CCSER1: variants seen among roughly 807,000 people sequenced by gnomAD.
CCSER1 encodes the protein serine-rich coiled-coil domain-containing protein 1.
Under a neutral mutation model 82.0 loss-of-function variants are expected in CCSER1, and 41 were observed. The ratio of observed to expected loss-of-function variants is 0.50; its 90% CI spans 0.39 to 0.65. The LOEUF (loss-of-function observed/expected upper bound fraction) is 0.65. Among genes scored for constraint, CCSER1 ranks in the 30% least tolerant of loss-of-function variants. CCSER1 has a pLI of 0.00. For missense variants in CCSER1, 1,119 were observed against 1,064.2 expected (o/e 1.05, Z -0.72); for synonymous variants, 414 against 383.9 (o/e 1.08, Z -0.92).
intron 10 of CCSER1, among the ~76,000 whole-genome samples, chr4:91,196,238 A>G (rs1048820353): frequency 1.3e-5 from 2 of 151,974 alleles, no homozygotes; most frequent in Non-Finnish European, 2.9e-5. Context: ...CAAAGACTGC[A>G]TTTCTCTTCT....
chr4:90,625,118 A>C (rs902071510), intron 5 of CCSER1, among the ~76,000 whole-genome samples: 1 of 152,176 alleles, frequency 6.6e-6, no homozygotes, highest in African/African-American at 2.4e-5. Flanking sequence ...CAAGTGAACG[A>C]ATTGTATTAT....
intron 6 of CCSER1, among the ~76,000 whole-genome samples, chr4:90,691,128 C>A (rs183065961): frequency 3.3e-5 from 5 of 151,944 alleles, no homozygotes; most frequent in Admixed American, 2.6e-4. Flanking sequence ...TTAATAAGAA[C>A]AATAAAAATA....
chr4:91,017,384 G>A (rs1452652929), intron 9 of CCSER1: 1 of 152,118 alleles, frequency 6.6e-6, no homozygotes, highest in African/African-American at 2.4e-5. Flanking sequence ...ATTGAAAATT[G>A]AATTTATGCA....
intron 5 of CCSER1, among the ~76,000 whole-genome samples, chr4:90,613,715 G>T (rs1214809485): frequency 6.6e-6 from 1 of 152,164 alleles, no homozygotes; most frequent in African/African-American, 2.4e-5. Flanking sequence ...ATGGAGAAGA[G>T]TAAGGAGTTT....
chr4:90,193,265 A>G (rs1185768049), intron 1 of CCSER1, among the ~76,000 whole-genome samples: 1 of 152,128 alleles, frequency 6.6e-6, no homozygotes, highest in African/African-American at 2.4e-5. Flanking sequence ...GTTCACACAC[A>G]GACCTCAAGT....
At chr4:90,385,733 T>C (rs1749936910) in intron 3 of CCSER1, among the ~76,000 whole-genome samples, 1 of 152,154 alleles carries the variant, frequency 6.6e-6, no homozygotes, top group Non-Finnish European at 1.5e-5. Flanking sequence ...ATTTCCCTGA[T>C]GGTTAGTGAT....
intron 1 of CCSER1, among the ~76,000 whole-genome samples, chr4:90,287,034 C>G (rs1027840680): frequency 6.6e-6 from 1 of 151,822 alleles, no homozygotes; most frequent in African/African-American, 2.4e-5. Context: ...TGGTAATTTA[C>G]TAAATGGTAC....
intron 7 of CCSER1, among the ~76,000 whole-genome samples, chr4:90,756,233 A>G (rs906485926): frequency 2.6e-5 from 4 of 152,186 alleles, no homozygotes; most frequent in Admixed American, 6.5e-5. Flanking sequence ...GTCTCAAAAA[A>G]ACAAATTAAT....
intron 6 of CCSER1, among the ~76,000 whole-genome samples, chr4:90,714,485 TG>T (rs1741260829): frequency 6.7e-6 from 1 of 150,030 alleles, no homozygotes; most frequent in Non-Finnish European, 1.5e-5. Context: ...CTGAGGGATA[TG>T]AAGATTCAAG....
chr4:90,976,415 T>A (rs920176207), intron 9 of CCSER1, among the ~76,000 whole-genome samples: 1 of 151,190 alleles, frequency 6.6e-6, no homozygotes, highest in Non-Finnish European at 1.5e-5. Flanking sequence ...TCTAATTTAG[T>A]TATAGATCAA....
intron 7 of CCSER1, among the ~76,000 whole-genome samples, chr4:90,786,771 A>G (rs777415771): frequency 1.1e-4 from 17 of 152,188 alleles, no homozygotes; most frequent in Non-Finnish European, 1.5e-4. Context: ...CCAGCTGGGT[A>G]TCCTCTAATG....
intron 10 of CCSER1, among the ~76,000 whole-genome samples, chr4:91,573,820 G>A (rs572876067): frequency 6.6e-6 from 1 of 152,042 alleles, no homozygotes; most frequent in South Asian, 2.1e-4. Flanking sequence ...GCTTCTAGTT[G>A]GCCATCTTGG....
Position 91,599,967 on chromosome 4 carries a change from T to C in CCSER1, c.*910T>C, listed in dbSNP as rs182700147. ...TCTTTACTTTCCTTATTTTTTAAAA[T>C]GTTCTTTTTTATGTAAATCCAATTT... is the stretch of plus-strand genomic sequence containing the variant. On this transcript the variant is annotated 3_prime_UTR_variant, in exon 11 of 11. Transcript: ENST00000509176. 4.6e-5 allele frequency: 7 copies of C among 152,302 alleles called. No homozygotes were observed. The East Asian group carries it at 1.3e-3, about 29-fold the overall frequency. The allele number at this position is 152,302 out of a possible 1,614,324, so 9.4% of individuals were successfully genotyped here.
chr4:91,525,517 A>G (rs1760725591), intron 10 of CCSER1, among the ~76,000 whole-genome samples: 2 of 152,126 alleles, frequency 1.3e-5, no homozygotes, highest in South Asian at 2.1e-4. Context: ...ATTATAAACT[A>G]TGTATGGGAA....
intron 10 of CCSER1, among the ~76,000 whole-genome samples, chr4:91,510,747 C>CA (rs1377973464): frequency 6.6e-6 from 1 of 152,114 alleles, no homozygotes; most frequent in East Asian, 1.9e-4. Context: ...ACATCGTTTG[C>CA]AAATATTTTC....
chr4:90,873,610 A>T (rs1437568263), intron 8 of CCSER1, among the ~76,000 whole-genome samples: 1 of 152,132 alleles, frequency 6.6e-6, no homozygotes, highest in Middle Eastern at 3.2e-3. Flanking sequence ...CTTATGAGGC[A>T]CATGATTGGT....
intron 5 of CCSER1, among the ~76,000 whole-genome samples, chr4:90,511,342 C>T (rs531466743): frequency 1.7e-4 from 26 of 152,160 alleles, no homozygotes; most frequent in African/African-American, 1.9e-4. Context: ...TGTGTGAACC[C>T]GGGAGGTGGA....
chr4:91,511,604 C>A (rs960721021), intron 10 of CCSER1, among the ~76,000 whole-genome samples: 1 of 152,144 alleles, frequency 6.6e-6, no homozygotes, highest in African/African-American at 2.4e-5. Context: ...ACTGCCTGAG[C>A]TCCACCTCCT....
chr4:90,658,144 G>T (rs1474250314), intron 6 of CCSER1, among the ~76,000 whole-genome samples: 1 of 151,872 alleles, frequency 6.6e-6, no homozygotes. Context: ...TCTCTATGTA[G>T]ATCTCCTTTG....
Sources: gnomAD v4.1 joint callset for allele counts (sites outside exome capture counted in the v4.1 genomes callset) on GRCh38, gnomAD v4.1.1 for gene constraint, MANE v1.5 for transcripts, NCBI Gene and HGNC (gene_info 2026-07-23, HGNC 2026-07-21) for gene names.